The following AGTPBP1 variants were observed in gnomAD, a reference collection of about 807,000 sequenced individuals.
AGTPBP1 encodes the protein ATP/GTP binding carboxypeptidase 1, also known as cytosolic carboxypeptidase 1.
A neutral mutation model predicts 143.9 loss-of-function variants in AGTPBP1; 70 were observed. That is an observed-to-expected ratio of 0.49 (90% confidence interval 0.40 to 0.59). The LOEUF (loss-of-function observed/expected upper bound fraction) is 0.59. AGTPBP1 is among the 20% of genes least tolerant of loss of function. The pLI, the probability that AGTPBP1 is intolerant of heterozygous loss-of-function variation, is 0.00. For missense variants in AGTPBP1, 1,229 were observed against 1,464.5 expected, an observed-to-expected ratio of 0.84 and a Z score of 2.62; for synonymous variants, 463 against 500.2, an observed-to-expected ratio of 0.93 and a Z score of 0.99.
At chr9:85,674,509 T>C (rs919092423) in intron 6 of AGTPBP1, among the ~76,000 whole-genome samples, 1 of 152,110 alleles carries the variant, frequency 6.6e-6, no homozygotes, top group Non-Finnish European at 1.5e-5. Context: ...GGGTTTTTTT[T>C]AAATGAATTT....
chr9:85,681,027 T>C (rs1835135589), intron 4 of AGTPBP1, among the ~76,000 whole-genome samples: 1 of 152,242 alleles, frequency 6.6e-6, no homozygotes, highest in Non-Finnish European at 1.5e-5. Context: ...TATACTTCAA[T>C]AGTCACCTAA....
At chr9:85,647,262 A>G (rs1420656853) in intron 11 of AGTPBP1, among the ~76,000 whole-genome samples, 1 of 152,138 alleles carries the variant, frequency 6.6e-6, no homozygotes, top group South Asian at 2.1e-4. Context: ...GGGCAACAAG[A>G]GCAAAATTCT....
At chr9:85,597,371 T>C (rs986217731) in intron 17 of AGTPBP1, among the ~76,000 whole-genome samples, 1 of 152,098 alleles carries the variant, frequency 6.6e-6, no homozygotes, top group Non-Finnish European at 1.5e-5. Context: ...AGTATTTATA[T>C]CATTTATTTC....
chr9:85,718,239 T>C (rs958681702), intron 1 of AGTPBP1, among the ~76,000 whole-genome samples: 2 of 152,224 alleles, frequency 1.3e-5, no homozygotes, highest in Non-Finnish European at 2.9e-5. Flanking sequence ...CCTTGAGGAA[T>C]TGCCACACTG....
chr9:85,679,655 A>T (rs1245938455), intron 4 of AGTPBP1, among the ~76,000 whole-genome samples: 1 of 152,092 alleles, frequency 6.6e-6, no homozygotes, highest in Non-Finnish European at 1.5e-5. Context: ...TGATCTGCCC[A>T]TCTCGGCCTC....
At chr9:85,592,479 G>T in intron 19 of AGTPBP1, 81 bp downstream of exon 19, 1 of 943,526 alleles carries the variant, frequency 1.1e-6, no homozygotes, top group East Asian at 3.1e-5. Context: ...TTATCCTTAT[G>T]TTAGAATATT....
At chr9:85,571,126 T>C (rs1207718865) in intron 25 of AGTPBP1, among the ~76,000 whole-genome samples, 6 of 152,222 alleles carry the variant, frequency 3.9e-5, no homozygotes, top group Non-Finnish European at 7.3e-5. Context: ...TTCATGTATG[T>C]AAATACTTAA....
At chr9:85,560,808 T>C (rs1218293478) in intron 25 of AGTPBP1, among the ~76,000 whole-genome samples, 2 of 152,084 alleles carry the variant, frequency 1.3e-5, no homozygotes, top group East Asian at 3.9e-4. Context: ...AGGATAGAAA[T>C]TTATTCATAA....
chr9:85,727,437 A>C (rs1422354513), intron 1 of AGTPBP1, among the ~76,000 whole-genome samples: 1 of 151,620 alleles, frequency 6.6e-6, no homozygotes, highest in Non-Finnish European at 1.5e-5. Flanking sequence ...TGAAGCTCCA[A>C]AAAAGTATTA....
chr9:85,647,046 G>A (rs1207698402), intron 11 of AGTPBP1, among the ~76,000 whole-genome samples: 2 of 152,212 alleles, frequency 1.3e-5, no homozygotes, highest in African/African-American at 2.4e-5. Flanking sequence ...GGGAGGCCAA[G>A]GCAGGCAGAT....
At chr9:85,639,041 T>G (rs1027809039) in intron 13 of AGTPBP1, among the ~76,000 whole-genome samples, 1 of 152,140 alleles carries the variant, frequency 6.6e-6, no homozygotes. Context: ...GTAACAAAAG[T>G]TGATCATATC....
intron 8 of AGTPBP1, among the ~76,000 whole-genome samples, chr9:85,663,050 G>A (rs1311168760): frequency 2.0e-5 from 3 of 152,148 alleles, no homozygotes; most frequent in Non-Finnish European, 4.4e-5. Context: ...AACCTAGGTG[G>A]AGTCTGGCAG....
chr9:85,648,170 T>C (rs1249794247), intron 11 of AGTPBP1, among the ~76,000 whole-genome samples: 2 of 152,208 alleles, frequency 1.3e-5, no homozygotes, highest in Non-Finnish European at 2.9e-5. Context: ...TCTTTGTCTA[T>C]AAAATGGAGA....
At chr9:85,786,243 G>A in the AGTPBP1 span, 1 of 1,600,844 alleles carries the variant, frequency 6.2e-7, no homozygotes, top group African/African-American at 1.3e-5. Context: ...TAAGAACACA[G>A]CCAAATCCTC....
intron 13 of AGTPBP1, among the ~76,000 whole-genome samples, chr9:85,638,400 G>C (rs1564091710): frequency 1.3e-5 from 2 of 151,870 alleles, no homozygotes; most frequent in Admixed American, 6.6e-5. Flanking sequence ...TAGTAATAGG[G>C]AAAAGGTGGA....
In AGTPBP1 at chr9:85,633,233, A is replaced by G. The variant is rs967050732; in HGVS notation, c.1444T>C (p.Ser482Pro). 3.8e-5 allele frequency: 62 copies of G among 1,613,798 alleles called. 1 individual carries two copies. Among genetic ancestry groups the G allele is most frequent in the Non-Finnish European group, 4.8e-5 (57 of 1,179,984 alleles). ...LRKVVMKENISSKGDEGEKKS... is the reference protein window; with the variant it reads ...LRKVVMKENIPSKGDEGEKKS... ...TTTTCACCTTCATCTCCTTTAGAAGATATGTTCTCCTTCATTACAACTTTT... is the reference window on the plus strand; with the variant it reads ...TTTTCACCTTCATCTCCTTTAGAAGGTATGTTCTCCTTCATTACAACTTTT... The change falls in exon 14 of 26, where the codon TCT becomes CCT. Residue 482 changes from serine to proline, a missense_variant. Physicochemically the swap from Ser to Pro is moderately conservative, Grantham distance 74 (BLOSUM62 -1). Transcript: ENST00000357081.
At chr9:85,758,800 G>A in the AGTPBP1 span, among the ~76,000 whole-genome samples, 1 of 152,218 alleles carries the variant, frequency 6.6e-6, no homozygotes, top group South Asian at 2.1e-4. Flanking sequence ...ATACAACAGA[G>A]AAAACAGAAA....
At chr9:85,701,330 A>G (rs1836643462) in intron 2 of AGTPBP1, among the ~76,000 whole-genome samples, 1 of 151,540 alleles carries the variant, frequency 6.6e-6, no homozygotes, top group Non-Finnish European at 1.5e-5. Flanking sequence ...CCCTGGTTCA[A>G]GCGATTCTCC....
At chr9:85,654,891 A>G (rs1005817556) in intron 11 of AGTPBP1, among the ~76,000 whole-genome samples, 2 of 152,112 alleles carry the variant, frequency 1.3e-5, no homozygotes, top group Non-Finnish European at 1.5e-5. Context: ...ATCAAATAAT[A>G]TTCCTATGTG....
Sources: gnomAD v4.1 joint callset for allele counts (sites outside exome capture counted in the v4.1 genomes callset) on GRCh38, gnomAD v4.1.1 for gene constraint, MANE v1.5 for transcripts, NCBI Gene and HGNC (gene_info 2026-07-23, HGNC 2026-07-21) for gene names.